The following FAM193A variants were observed in gnomAD, a reference collection of about 807,000 sequenced individuals.
The protein encoded by FAM193A is family with sequence similarity 193 member A.
Under a neutral mutation model 126.5 loss-of-function variants are expected in FAM193A, and 22 were observed. The observed-to-expected ratio is 0.17, with a 90% CI of 0.12 to 0.25. FAM193A has a LOEUF of 0.25. Ranked by LOEUF, FAM193A falls within the 10% of genes least tolerant of loss-of-function variation. FAM193A has a pLI of 1.00. For missense variants in FAM193A, 1,675 were observed against 1,672.8 expected (o/e 1.00, Z -0.02); for synonymous variants, 761 against 646.8 (o/e 1.18, Z -2.68).
At chr4:2,569,564 C>G (rs1003109523) in intron 1 of FAM193A, among the ~76,000 whole-genome samples, 3 of 152,158 alleles carry the variant, frequency 2.0e-5, no homozygotes, top group Non-Finnish European at 4.4e-5. Context: ...AGTGGCCGAT[C>G]ATGACTCACT....
At chr4:2,724,081 ATC>A (rs1720467737) in intron 20 of FAM193A, among the ~76,000 whole-genome samples, 1 of 150,322 alleles carries the variant, frequency 6.7e-6, no homozygotes, top group African/African-American at 2.4e-5. Context: ...GTATTTTATT[ATC>A]TCTTATTAAT....
At chr4:2,611,603 G>A (rs1354584376) in intron 2 of FAM193A, among the ~76,000 whole-genome samples, 6 of 151,796 alleles carry the variant, frequency 4.0e-5, no homozygotes, top group African/African-American at 1.5e-4. Context: ...GACTTGTTGA[G>A]CATCTTTTCA....
At chr4:2,706,969 A>C (rs1197873411) in intron 19 of FAM193A, among the ~76,000 whole-genome samples, 1 of 151,944 alleles carries the variant, frequency 6.6e-6, no homozygotes, top group Non-Finnish European at 1.5e-5. Context: ...AAAGATAAAA[A>C]AAATTAGCCA....
At chr4:2,729,367 C>T (rs1308484362) in intron 20 of FAM193A, among the ~76,000 whole-genome samples, 1 of 152,120 alleles carries the variant, frequency 6.6e-6, no homozygotes, top group East Asian at 1.9e-4. Flanking sequence ...GCAGCCCACC[C>T]CAAGGGAGGA....
chr4:2,633,352 T>C (rs1743787279), intron 5 of FAM193A, among the ~76,000 whole-genome samples: 1 of 151,972 alleles, frequency 6.6e-6, no homozygotes, highest in Admixed American at 6.6e-5. Flanking sequence ...TGAGCCAAGA[T>C]TGTGCCAGTG....
Position 2,554,882 on chromosome 4 carries a change from T to G in FAM193A, c.255+17712T>G, listed in dbSNP as rs372486727. ...TCGCTTTTGTCTGATACTACTAATA[T>G]AGCCTCTCCAGCTTTCTGCTAATTA... is the stretch of plus-strand genomic sequence containing the variant. On this transcript the variant is annotated intron_variant, in intron 1 of 20. Coordinates refer to ENST00000637812, the MANE Select transcript of FAM193A (RefSeq NM_001366318.2). Among the ~76,000 whole-genome samples the G allele has an allele frequency of 2.5e-4, 38 of 152,328 alleles. No individual in the cohort carries two copies. The East Asian group carries it at 6.2e-3, about 25-fold the overall frequency.
intron 19 of FAM193A, among the ~76,000 whole-genome samples, chr4:2,711,343 G>GTTTGT (rs1718950641): frequency 6.6e-6 from 1 of 151,076 alleles, no homozygotes; most frequent in African/African-American, 2.4e-5. Flanking sequence ...TTGTTTGTTT[G>GTTTGT]TTTGTTTTGT....
intron 1 of FAM193A, among the ~76,000 whole-genome samples, chr4:2,564,272 G>C (rs1236453989): frequency 6.6e-6 from 1 of 151,880 alleles, no homozygotes; most frequent in East Asian, 1.9e-4. Flanking sequence ...TTGTAGAGAC[G>C]GGGTCTCACT....
At chr4:2,542,046 C>G (rs1737267139) in intron 1 of FAM193A, among the ~76,000 whole-genome samples, 1 of 150,842 alleles carries the variant, frequency 6.6e-6, no homozygotes, top group African/African-American at 2.4e-5. Context: ...GACAGAGTCT[C>G]ACTGCGTCAC....
At chr4:2,552,847 CTTTTTTTTTTT>C (rs5855745) in intron 1 of FAM193A, among the ~76,000 whole-genome samples, 2 of 119,398 alleles carry the variant, frequency 1.7e-5, no homozygotes, top group African/African-American at 3.3e-5. Context: ...ACAGAACTTT[CTTTTTTTTTTT>C]TTTTTTTTTG....
chr4:2,601,156 A>G (rs1217255802), intron 2 of FAM193A, among the ~76,000 whole-genome samples: 2 of 151,992 alleles, frequency 1.3e-5, no homozygotes, highest in Non-Finnish European at 2.9e-5. Context: ...TTACTGGTAT[A>G]AAGTTCTGTG....
At position 2,663,299 on chromosome 4, in the gene FAM193A, G is replaced by A. The variant is rs760257599; in HGVS notation, c.2079+11G>A. The A allele has an allele frequency of 1.9e-6, 3 of 1,541,988 alleles. No individual in the cohort carries two copies. Among genetic ancestry groups the A allele is most frequent in the Non-Finnish European group, 1.7e-6 (2 of 1,145,292 alleles). On this transcript the variant is annotated intron_variant, in intron 12 of 20. Transcript: ENST00000637812. The stretch of plus-strand genomic sequence containing the variant: ...TACCCAACACAGCAGGTAGGACTTT[G>A]CTTGCTGTTTTGCCAAGGATCTCTT...
intron 2 of FAM193A, among the ~76,000 whole-genome samples, chr4:2,610,259 CTAGTATTT>C (rs1741785291): frequency 6.6e-6 from 1 of 151,928 alleles, no homozygotes; most frequent in Non-Finnish European, 1.5e-5. Context: ...AAAAAACTCG[CTAGTATTT>C]GTCATTATCT....
intron 8 of FAM193A, among the ~76,000 whole-genome samples, chr4:2,658,442 C>G (rs1011640509): frequency 6.6e-6 from 1 of 152,128 alleles, no homozygotes; most frequent in African/African-American, 2.4e-5. Flanking sequence ...GCAGAGCTTG[C>G]TAGTGATGTC....
intron 18 of FAM193A, among the ~76,000 whole-genome samples, chr4:2,699,161 A>G (rs1717373548): frequency 6.6e-6 from 1 of 152,204 alleles, no homozygotes; most frequent in Non-Finnish European, 1.5e-5. Flanking sequence ...CCAGCCTGGT[A>G]CACATTTCTT....
At chr4:2,594,877 G>A (rs1740773421) in intron 1 of FAM193A, among the ~76,000 whole-genome samples, 1 of 121,440 alleles carries the variant, frequency 8.2e-6, no homozygotes, top group African/African-American at 3.3e-5. Context: ...TGCCCAGGCT[G>A]GAATGCAGTG....
chr4:2,651,554 C>T (rs1745667583), intron 7 of FAM193A, among the ~76,000 whole-genome samples: 3 of 152,182 alleles, frequency 2.0e-5, no homozygotes, highest in Non-Finnish European at 4.4e-5. Context: ...TGAGAACTCG[C>T]TATCATGAGA....
intron 19 of FAM193A, chr4:2,715,421 C>A: frequency 1.3e-6 from 1 of 790,918 alleles, no homozygotes; most frequent in Non-Finnish European, 1.5e-6. Context: ...CGAGATCATG[C>A]CTGGGTGACA....
chr4:2,570,693 G>A (rs531019328), intron 1 of FAM193A, among the ~76,000 whole-genome samples: 80 of 152,284 alleles, frequency 5.3e-4, no homozygotes, highest in African/African-American at 1.9e-3. Flanking sequence ...TTAGGAGACA[G>A]TGTCTCTGTA....
Sources: gnomAD v4.1 joint callset for allele counts (sites outside exome capture counted in the v4.1 genomes callset) on GRCh38, gnomAD v4.1.1 for gene constraint, MANE v1.5 for transcripts, NCBI Gene and HGNC (gene_info 2026-07-23, HGNC 2026-07-21) for gene names.